FBXL7: variants seen among roughly 807,000 people sequenced by gnomAD.
FBXL7 encodes the protein F-box and leucine rich repeat protein 7.
A neutral mutation model predicts 38.3 loss-of-function variants in FBXL7; 12 were observed. The observed-to-expected ratio is 0.31, with a 90% confidence interval of 0.20 to 0.51. The LOEUF (loss-of-function observed/expected upper bound fraction) is 0.51. FBXL7 is among the 20% of genes least tolerant of loss of function. The pLI is 0.98. For synonymous variants in FBXL7, 297 were observed against 300.9 expected (o/e 0.99, Z 0.13); for missense variants, 567 against 676.4 (o/e 0.84, Z 1.79).
At chr5:15,527,007 A>G (rs1246136042) in intron 1 of FBXL7, among the ~76,000 whole-genome samples, 1 of 152,180 alleles carries the variant, frequency 6.6e-6, no homozygotes, top group East Asian at 1.9e-4. Flanking sequence ...AGTTGGCCTA[A>G]GTCTTGCTAA....
chr5:15,815,763 A>G (rs941823628), intron 2 of FBXL7, among the ~76,000 whole-genome samples: 2 of 152,194 alleles, frequency 1.3e-5, no homozygotes, highest in East Asian at 3.8e-4. Context: ...AGCCTGTACT[A>G]AATCAAATGG....
At chr5:15,901,787 T>A (rs1013806659) in intron 2 of FBXL7, among the ~76,000 whole-genome samples, 1 of 152,196 alleles carries the variant, frequency 6.6e-6, no homozygotes, top group African/African-American at 2.4e-5. Flanking sequence ...AATACTTGGT[T>A]TTTCATTCTT....
chr5:15,779,869 C>G (rs958065755), intron 2 of FBXL7, among the ~76,000 whole-genome samples: 1 of 152,194 alleles, frequency 6.6e-6, no homozygotes, highest in Non-Finnish European at 1.5e-5. Flanking sequence ...GATAGAACCA[C>G]TTACTCTTGG....
chr5:15,606,566 A>G (rs543939548), intron 1 of FBXL7, among the ~76,000 whole-genome samples: 13 of 152,364 alleles, frequency 8.5e-5, no homozygotes, highest in Admixed American at 3.3e-4. Flanking sequence ...TAGGACATTC[A>G]GTGTAAAGAA....
intron 2 of FBXL7, among the ~76,000 whole-genome samples, chr5:15,713,662 T>C (rs72732009): frequency 0.022 from 3,400 of 152,318 alleles, 57 homozygotes; most frequent in Non-Finnish European, 0.037. Flanking sequence ...TTTTAGATGA[T>C]TGTAGATTTA....
chr5:15,683,459 GTCT>G, intron 2 of FBXL7, among the ~76,000 whole-genome samples: 1 of 152,298 alleles, frequency 6.6e-6, no homozygotes, highest in South Asian at 2.1e-4. Context: ...TTCTGCCTAA[GTCT>G]TCTTGATACA....
At chr5:15,892,631 A>C (rs1462007639) in intron 2 of FBXL7, among the ~76,000 whole-genome samples, 1 of 152,198 alleles carries the variant, frequency 6.6e-6, no homozygotes, top group African/African-American at 2.4e-5. Context: ...CATTCATTTT[A>C]AAGACATTGA....
At chr5:15,872,550 A>G (rs1442088087) in intron 2 of FBXL7, among the ~76,000 whole-genome samples, 1 of 152,224 alleles carries the variant, frequency 6.6e-6, no homozygotes, top group Non-Finnish European at 1.5e-5. Flanking sequence ...TCATGTGCAA[A>G]GACACACATA....
At chr5:15,912,160 T>C (rs1741447419) in intron 2 of FBXL7, among the ~76,000 whole-genome samples, 1 of 61,100 alleles carries the variant, frequency 1.6e-5, no homozygotes, top group Admixed American at 2.0e-4. Flanking sequence ...CAGACTGCCG[T>C]GCTAGCAATC....
intron 2 of FBXL7, among the ~76,000 whole-genome samples, chr5:15,697,357 A>G (rs568647329): frequency 6.6e-6 from 1 of 152,328 alleles, no homozygotes; most frequent in East Asian, 1.9e-4. Flanking sequence ...ACAGAGACTC[A>G]TATAGGAAGA....
chr5:15,862,754 G>A (rs568414741), intron 2 of FBXL7, among the ~76,000 whole-genome samples: 14 of 152,200 alleles, frequency 9.2e-5, no homozygotes, highest in Non-Finnish European at 1.6e-4. Flanking sequence ...GCAGTGGGAA[G>A]GTGGGCAAAG....
chr5:15,871,633 A>G (rs1739968240), intron 2 of FBXL7, among the ~76,000 whole-genome samples: 1 of 152,226 alleles, frequency 6.6e-6, no homozygotes, highest in Non-Finnish European at 1.5e-5. Context: ...TGAAAAACAC[A>G]GCACGAGAAC....
At chr5:15,792,795 G>A (rs965271100) in intron 2 of FBXL7, among the ~76,000 whole-genome samples, 2 of 152,148 alleles carry the variant, frequency 1.3e-5, no homozygotes, top group African/African-American at 4.8e-5. Context: ...GAGGGATGAG[G>A]CCCCCTCTCC....
At chr5:15,893,745 A>C (rs533113432) in intron 2 of FBXL7, among the ~76,000 whole-genome samples, 1 of 152,346 alleles carries the variant, frequency 6.6e-6, no homozygotes, top group African/African-American at 2.4e-5. Context: ...ATTTAGGTCA[A>C]ATATTTCATA....
intron 2 of FBXL7, among the ~76,000 whole-genome samples, chr5:15,818,305 C>G (rs996351032): frequency 2.6e-5 from 4 of 152,158 alleles, no homozygotes; most frequent in African/African-American, 9.7e-5. Flanking sequence ...GAAAGGATCA[C>G]TTTAAACTAT....
chr5:15,612,928 A>G (rs1315691377), intron 1 of FBXL7, among the ~76,000 whole-genome samples: 1 of 152,204 alleles, frequency 6.6e-6, no homozygotes, highest in East Asian at 1.9e-4. Flanking sequence ...TAACATCATC[A>G]ATCATGTTAA....
intron 1 of FBXL7, among the ~76,000 whole-genome samples, chr5:15,502,057 T>C (rs1736505477): frequency 6.6e-6 from 1 of 152,020 alleles, no homozygotes; most frequent in South Asian, 2.1e-4. Flanking sequence ...TTAGAGTTAA[T>C]ATTATAAAAA....
intron 2 of FBXL7, among the ~76,000 whole-genome samples, chr5:15,850,432 AAG>A (rs936441555): frequency 6.6e-6 from 1 of 152,180 alleles, no homozygotes; most frequent in African/African-American, 2.4e-5. Flanking sequence ...TCCGTAGAGA[AAG>A]GGGGTATTGC....
At chr5:15,703,080 A>G (rs970242279) in intron 2 of FBXL7, among the ~76,000 whole-genome samples, 7 of 152,140 alleles carry the variant, frequency 4.6e-5, no homozygotes, top group African/African-American at 1.7e-4. Context: ...TAAGGCAGGA[A>G]CCAGCCATCT....
Sources: allele counts gnomAD v4.1 joint callset (sites outside exome capture counted in the v4.1 genomes callset), GRCh38; gene constraint gnomAD v4.1.1; transcripts MANE v1.5; gene names NCBI Gene and HGNC (gene_info 2026-07-23, HGNC 2026-07-21).